NELL1: variants seen among roughly 807,000 people sequenced by gnomAD.
NELL1 encodes neural EGFL like 1.
Under a neutral mutation model 107.4 loss-of-function variants are expected in NELL1, and 76 were observed. That is an observed-to-expected ratio of 0.71 (90% CI 0.59 to 0.86). NELL1 has a LOEUF of 0.86. NELL1 is among the 40% of genes least tolerant of loss of function. The pLI is 0.00. For missense variants in NELL1, 1,024 were observed against 1,005.5 expected (o/e 1.02, Z -0.25); for synonymous variants, 353 against 341.2 (o/e 1.03, Z -0.38).
chr11:20,702,542 C>T lies in NELL1; in HGVS notation c.184+24482C>T, dbSNP rs529953647. On this transcript the variant is annotated intron_variant, in intron 2 of 19. Coordinates refer to ENST00000357134, the MANE Select transcript of NELL1 (RefSeq NM_006157.5). The stretch of plus-strand genomic sequence containing the variant: ...ATTGCCCTGGCCAGAACTTCCAACA[C>T]TATGTTGAATAGGAGTGGTGAGAGA... Among the ~76,000 whole-genome samples the T allele has an allele frequency of 3.9e-5, 6 of 152,212 alleles. No homozygotes were observed. In the South Asian group the frequency reaches 1.2e-3, roughly 32 times the overall value.
chr11:20,881,858 A>G (rs187016263), intron 4 of NELL1, among the ~76,000 whole-genome samples: 3 of 152,344 alleles, frequency 2.0e-5, no homozygotes, highest in East Asian at 3.9e-4. Flanking sequence ...GTATCCCCAT[A>G]GCCAGCACAG....
chr11:21,454,679 T>C (rs576831572), intron 15 of NELL1, among the ~76,000 whole-genome samples: 29 of 152,328 alleles, frequency 1.9e-4, no homozygotes, highest in Non-Finnish European at 3.4e-4. Context: ...GGCTGGAAAG[T>C]CCAAGATCAA....
chr11:20,978,438 A>T (rs749362375), intron 12 of NELL1, among the ~76,000 whole-genome samples: 12 of 152,098 alleles, frequency 7.9e-5, no homozygotes, highest in Admixed American at 1.3e-4. Flanking sequence ...CTTCATGAAA[A>T]AAAAAGCACA....
At chr11:21,393,128 T>G (rs1851915164) in intron 15 of NELL1, among the ~76,000 whole-genome samples, 1 of 151,400 alleles carries the variant, frequency 6.6e-6, no homozygotes, top group Admixed American at 6.6e-5. Flanking sequence ...TGGGAAATGG[T>G]AAAGGGAAAT....
intron 2 of NELL1, among the ~76,000 whole-genome samples, chr11:20,699,050 C>T (rs546551420): frequency 3.9e-5 from 6 of 152,098 alleles, no homozygotes; most frequent in African/African-American, 1.4e-4. Context: ...AACCCTGTCT[C>T]TACTAAAAAT....
Position 21,319,513 on chromosome 11 carries a change from TA to T in NELL1, c.1550-51339del, listed in dbSNP as rs1483401379. ...CTAAATTTATATATATATATATATA[TA>T]TATTTTTAGTAGAGACAGGTTTTTA... On this transcript the variant is annotated intron_variant, in intron 14 of 19. Transcript: ENST00000357134. 9.2e-3 allele frequency among the ~76,000 whole-genome samples: 1,356 copies of T among 147,010 alleles called. 37 individuals are homozygous for T. The highest frequency in any genetic ancestry group is 0.031 in the African/African-American group (1,266 of 40,376).
intron 17 of NELL1, among the ~76,000 whole-genome samples, chr11:21,561,912 A>C (rs1453824056): frequency 1.3e-5 from 2 of 152,086 alleles, no homozygotes; most frequent in African/African-American, 2.4e-5. Context: ...GAATATTTCC[A>C]TAATTCCTCA....
At chr11:21,428,004 A>G (rs1223066814) in intron 15 of NELL1, among the ~76,000 whole-genome samples, 2 of 152,224 alleles carry the variant, frequency 1.3e-5, no homozygotes, top group Non-Finnish European at 2.9e-5. Context: ...GCTCTCAAGC[A>G]GCTGATCCTG....
intron 4 of NELL1, among the ~76,000 whole-genome samples, chr11:20,882,439 T>G (rs1405999817): frequency 6.6e-6 from 1 of 152,258 alleles, no homozygotes; most frequent in African/African-American, 2.4e-5. Flanking sequence ...AATATAACTT[T>G]AAGCTCACAG....
intron 4 of NELL1, among the ~76,000 whole-genome samples, chr11:20,853,204 T>C (rs1159508039): frequency 1.3e-5 from 2 of 152,128 alleles, no homozygotes; most frequent in Non-Finnish European, 2.9e-5. Context: ...AGTATCGAGT[T>C]GGTAGTGAGG....
At chr11:21,446,959 T>A (rs896312389) in intron 15 of NELL1, among the ~76,000 whole-genome samples, 7 of 152,218 alleles carry the variant, frequency 4.6e-5, no homozygotes, top group Non-Finnish European at 7.3e-5. Flanking sequence ...TCTATTCTAC[T>A]GCGTTTAAGC....
At chr11:21,376,301 G>A (rs1851477093) in intron 15 of NELL1, among the ~76,000 whole-genome samples, 2 of 152,082 alleles carry the variant, frequency 1.3e-5, no homozygotes, top group African/African-American at 4.8e-5. Context: ...TTATTGAATA[G>A]GGAGTCTTTT....
rs139285238 is a variant in NELL1 at position 20,746,058 on chromosome 11, AG to A, written c.185-37616del. On this transcript the variant is annotated intron_variant, in intron 2 of 19. Transcript: ENST00000357134. ...AAGGAGAGAAATTATCCTATTTAAA[AG>A]GGGGGAAACTGAGACACTGAGGAGC... Among the ~76,000 whole-genome samples, 998 of 152,272 alleles carry A rather than the reference AG, an allele frequency of 6.6e-3. 11 individuals are homozygous for A. The highest frequency in any genetic ancestry group is 0.023 in the African/African-American group (937 of 41,550).
intron 12 of NELL1, among the ~76,000 whole-genome samples, chr11:21,079,887 G>C (rs919327139): frequency 1.3e-5 from 2 of 152,032 alleles, no homozygotes; most frequent in Non-Finnish European, 2.9e-5. Flanking sequence ...ACTTACAGTA[G>C]AAGATAATAA....
intron 3 of NELL1, among the ~76,000 whole-genome samples, chr11:20,788,807 G>C (rs113778729): frequency 1.3e-5 from 2 of 151,032 alleles, no homozygotes; most frequent in African/African-American, 4.9e-5. Flanking sequence ...TATAGGTTTA[G>C]CTCTTACATT....
Position 21,247,457 on chromosome 11 carries a change from A to G in NELL1, c.1549+18003A>G, listed in dbSNP as rs992218888. On this transcript the variant is annotated intron_variant, in intron 14 of 19. Transcript: ENST00000357134. ...TTTAACCTTTTGAGGTTTTTTGTTT[A>G]AAATGAAGACAAAAACACACACATC... is the stretch of plus-strand genomic sequence containing the variant. Among the ~76,000 whole-genome samples, 6 of 151,946 alleles carry G rather than the reference A, an allele frequency of 3.9e-5. 1 individual carries two copies. The highest frequency in any genetic ancestry group is 1.3e-4 in the Admixed American group (2 of 15,256).
chr11:21,148,787 T>A (rs1156313671), intron 13 of NELL1, among the ~76,000 whole-genome samples: 1 of 152,232 alleles, frequency 6.6e-6, no homozygotes, highest in East Asian at 1.9e-4. Context: ...CTTGAGTTTC[T>A]GAGTTGTAGC....
intron 2 of NELL1, among the ~76,000 whole-genome samples, chr11:20,713,981 CCT>C (rs955414935): frequency 2.0e-5 from 3 of 152,004 alleles, no homozygotes; most frequent in African/African-American, 4.8e-5. Flanking sequence ...CGGTTTTTCC[CCT>C]CTCACCCTTC....
intron 3 of NELL1, among the ~76,000 whole-genome samples, chr11:20,808,538 A>G (rs555441155): frequency 1.3e-5 from 2 of 152,212 alleles, no homozygotes; most frequent in Non-Finnish European, 2.9e-5. Flanking sequence ...ACTAGGTCAC[A>G]TGGCCCCCAG....
Sources: allele counts gnomAD v4.1 joint callset (sites outside exome capture counted in the v4.1 genomes callset), GRCh38; gene constraint gnomAD v4.1.1; transcripts MANE v1.5; gene names NCBI Gene and HGNC (gene_info 2026-07-23, HGNC 2026-07-21).